The following RAP1GAP2 variants were observed in gnomAD, a reference collection of about 807,000 sequenced individuals.
RAP1GAP2 encodes the protein rap1 GTPase-activating protein 2.
Under a neutral mutation model 95.0 loss-of-function variants are expected in RAP1GAP2, and 27 were observed. The observed-to-expected ratio is 0.28, with a 90% confidence interval of 0.21 to 0.39. RAP1GAP2 has a LOEUF of 0.39. RAP1GAP2 is among the 10% of genes least tolerant of loss of function. The probability of loss-of-function intolerance (pLI) is 1.00; values close to 1 mark genes in which losing one functional copy is unlikely to be tolerated. For missense variants in RAP1GAP2, 771 were observed against 970.0 expected (o/e 0.79, Z 2.72); for synonymous variants, 373 against 380.9 (o/e 0.98, Z 0.24).
chr17:2,824,525 C>T (rs1398875766), intron 2 of RAP1GAP2, among the ~76,000 whole-genome samples: 1 of 150,602 alleles, frequency 6.6e-6, no homozygotes, highest in Non-Finnish European at 1.5e-5. Flanking sequence ...GGCAGATCAC[C>T]TGAGGTCAGG....
intron 2 of RAP1GAP2, among the ~76,000 whole-genome samples, chr17:2,879,837 C>T (rs1039156553): frequency 2.6e-5 from 4 of 152,088 alleles, no homozygotes; most frequent in African/African-American, 9.7e-5. Flanking sequence ...GTCTCTTGTC[C>T]ATTACTTTTT....
intron 3 of RAP1GAP2, among the ~76,000 whole-genome samples, chr17:2,941,673 T>C (rs1406805219): frequency 6.7e-6 from 1 of 149,980 alleles, no homozygotes; most frequent in Admixed American, 6.6e-5. Context: ...CTTGGGTTTT[T>C]TTTTTTTTTT....
intron 2 of RAP1GAP2, among the ~76,000 whole-genome samples, chr17:2,804,268 C>G (rs1364633785): frequency 6.6e-6 from 1 of 152,228 alleles, no homozygotes; most frequent in African/African-American, 2.4e-5. Flanking sequence ...CGACAGGGGT[C>G]TGGCCTCACC....
At chr17:2,972,651 A>T (rs2044917698) in intron 8 of RAP1GAP2, among the ~76,000 whole-genome samples, 1 of 151,608 alleles carries the variant, frequency 6.6e-6, no homozygotes, top group African/African-American at 2.4e-5. Flanking sequence ...GTCAAATGAG[A>T]TGCAAAAAAA....
intron 2 of RAP1GAP2, among the ~76,000 whole-genome samples, chr17:2,891,809 C>CTTTTTTTTTT (rs1488865061): frequency 1.7e-5 from 1 of 58,030 alleles, no homozygotes; most frequent in African/African-American, 5.7e-5. Flanking sequence ...ATTCATATTT[C>CTTTTTTTTTT]TTTTCTTTTT....
chr17:2,932,842 A>AAAGGG (rs140254643), intron 3 of RAP1GAP2, among the ~76,000 whole-genome samples: 2 of 94,170 alleles, frequency 2.1e-5, no homozygotes, highest in African/African-American at 4.1e-5. Flanking sequence ...AAAAAAAAAA[A>AAAGGG]AGAGCAGGGA....
At chr17:2,774,558 C>T (rs1224763155), upstream of RAP1GAP2, among the ~76,000 whole-genome samples, 3 of 148,832 alleles carry the variant, frequency 2.0e-5, no homozygotes, top group Non-Finnish European at 3.0e-5. Context: ...CTGCAATGTC[C>T]GACTCCCGGT....
At chr17:2,757,437 T>G (rs2071168366) in intron 1 of RAP1GAP2, among the ~76,000 whole-genome samples, 1 of 152,146 alleles carries the variant, frequency 6.6e-6, no homozygotes, top group Non-Finnish European at 1.5e-5. Context: ...GTAATCCACT[T>G]TTGAATTACC....
rs540863496 is a variant in RAP1GAP2 at position 2,963,631 on chromosome 17, T to G, written c.279+169T>G. 6.6e-6 allele frequency among the ~76,000 whole-genome samples: 1 copy of G among 152,260 alleles called. No individual in the cohort carries two copies. The highest frequency in any genetic ancestry group is 1.9e-4 in the East Asian group (1 of 5,160). On this transcript the variant is annotated intron_variant, in intron 6 of 24. Transcript: ENST00000254695. The surrounding 1 kb of genome is among the most constrained non-coding windows in gnomAD (Gnocchi z 4.8). ...AACCTCAGCTTCTCCATGTGTTAAG[T>G]TGGGGGTGCTCATCTAGGCCTTTCA...
chr17:3,002,163 A>G (rs1044501070), intron 14 of RAP1GAP2, among the ~76,000 whole-genome samples: 12 of 152,178 alleles, frequency 7.9e-5, no homozygotes, highest in African/African-American at 2.4e-4. Flanking sequence ...GGGTTTCACC[A>G]TGTTGGCCAG....
chr17:2,980,034 G>A (rs538561389), intron 8 of RAP1GAP2, among the ~76,000 whole-genome samples: 7 of 151,798 alleles, frequency 4.6e-5, no homozygotes, highest in Non-Finnish European at 7.4e-5. Context: ...TCCGTCTCCC[G>A]GGTTCAAGCG....
At chr17:2,784,267 C>T (rs937474191) in intron 1 of RAP1GAP2, among the ~76,000 whole-genome samples, 8 of 150,646 alleles carry the variant, frequency 5.3e-5, no homozygotes, top group Admixed American at 5.3e-4. Context: ...GCCACCACGC[C>T]TGGCCTATTT....
At chr17:2,761,213 C>T (rs1456755074) in intron 1 of RAP1GAP2, among the ~76,000 whole-genome samples, 1 of 151,678 alleles carries the variant, frequency 6.6e-6, no homozygotes, top group East Asian at 1.9e-4. Flanking sequence ...TCTCGGCCTC[C>T]CAAAGTGCTG....
chr17:2,946,899 C>T (rs781153384), intron 3 of RAP1GAP2, among the ~76,000 whole-genome samples: 16 of 152,170 alleles, frequency 1.1e-4, no homozygotes, highest in African/African-American at 2.9e-4. Context: ...GGATTATAGG[C>T]GCCCGCCACC....
In RAP1GAP2 at chr17:2,906,019, G is replaced by C. The variant is rs1348303521; in HGVS notation, c.165+651G>C. ...CTCGGCAGGATGGCCACACAGGCCT[G>C]AGCTGGTCCTCAGAGGAGACTTTTG... On this transcript the variant is annotated intron_variant, in intron 3 of 24. Coordinates refer to ENST00000254695, the MANE Select transcript of RAP1GAP2 (RefSeq NM_015085.5). This position sits in a 1 kb window ranked among gnomAD's most constrained non-coding sequence, Gnocchi z 4.3. Among the ~76,000 whole-genome samples the C allele has an allele frequency of 1.3e-5, 2 of 152,198 alleles. No individual in the cohort carries two copies. The highest frequency in any genetic ancestry group is 1.3e-4 in the Admixed American group (2 of 15,286).
At chr17:2,987,420 A>G (rs948020060) in intron 11 of RAP1GAP2, among the ~76,000 whole-genome samples, 3 of 151,794 alleles carry the variant, frequency 2.0e-5, no homozygotes, top group Non-Finnish European at 4.4e-5. Flanking sequence ...CTGGAGTGCA[A>G]AGGTGTGATC....
chr17:2,923,385 G>T (rs1361023879), intron 3 of RAP1GAP2, among the ~76,000 whole-genome samples: 3 of 146,964 alleles, frequency 2.0e-5, no homozygotes, highest in African/African-American at 7.5e-5. Flanking sequence ...AGGCTGGAAT[G>T]CAGTGGTGCA....
chr17:2,989,764 G>A lies in RAP1GAP2; in HGVS notation c.814-1533G>A, dbSNP rs1431106701. 2.6e-5 allele frequency among the ~76,000 whole-genome samples: 4 copies of A among 151,900 alleles called. No individual in the cohort carries two copies. In the East Asian group the frequency reaches 7.7e-4, roughly 29 times the overall value. ...TGTACCATATAATTCATAATGTTAT[G>A]TAATTTATATCTCAATGAAGTGTGC... On this transcript the variant is annotated intron_variant, in intron 11 of 24. Transcript: ENST00000254695.
intron 3 of RAP1GAP2, among the ~76,000 whole-genome samples, chr17:2,927,357 G>A (rs947119147): frequency 3.9e-5 from 6 of 151,940 alleles, no homozygotes; most frequent in East Asian, 1.9e-4. Context: ...GTTTCACCGT[G>A]TTAGCCAGGA....
Sources: gnomAD v4.1 joint callset for allele counts (sites outside exome capture counted in the v4.1 genomes callset) on GRCh38, gnomAD v4.1.1 for gene constraint, Gnocchi (gnomAD v3.1) non-coding constraint, MANE v1.5 for transcripts, NCBI Gene and HGNC (gene_info 2026-07-23, HGNC 2026-07-21) for gene names.